Variants in CSMD1 observed in about 807,000 individuals in gnomAD.
CSMD1 encodes CUB and Sushi multiple domains 1, also known as CUB and sushi domain-containing protein 1.
CSMD1 carries 213 observed loss-of-function variants against 417.5 expected under a neutral mutation model. That is an observed-to-expected ratio of 0.51 (90% confidence interval 0.46 to 0.57). The LOEUF is 0.57. Ranked by LOEUF, CSMD1 falls within the 20% of genes least tolerant of loss-of-function variation. The pLI, the probability that CSMD1 is intolerant of heterozygous loss-of-function variation, is 0.00. For missense variants in CSMD1, 6,923 were observed against 4,529.7 expected (o/e 1.53, Z -15.17); for synonymous variants, 2,862 against 1,736.8 (o/e 1.65, Z -16.11).
chr8:3,864,296 T>C (rs1013968380), intron 5 of CSMD1, among the ~76,000 whole-genome samples: 2 of 152,132 alleles, frequency 1.3e-5, no homozygotes, highest in African/African-American at 4.8e-5. Flanking sequence ...CCAATATTTG[T>C]TGAGCTCTTT....
chr8:3,405,970 C>A, intron 15 of CSMD1, 57 bp downstream of exon 15: 1 of 1,531,224 alleles, frequency 6.5e-7, no homozygotes, highest in South Asian at 1.2e-5. Flanking sequence ...TGTGTGTGTG[C>A]CTGAAGATAG....
chr8:4,864,897 A>ACACACACAAAC (rs1554505482), intron 1 of CSMD1, among the ~76,000 whole-genome samples: 2 of 50,402 alleles, frequency 4.0e-5, no homozygotes, highest in East Asian at 1.6e-3. Flanking sequence ...CACACACACA[A>ACACACACAAAC]ACACACACAC....
intron 5 of CSMD1, among the ~76,000 whole-genome samples, chr8:3,842,683 G>C (rs1803212544): frequency 1.3e-5 from 2 of 151,868 alleles, no homozygotes; most frequent in African/African-American, 4.8e-5. Flanking sequence ...AAGAGCATTT[G>C]AAACTAAAAC....
intron 3 of CSMD1, among the ~76,000 whole-genome samples, chr8:4,211,312 A>C (rs1306538726): frequency 6.6e-6 from 1 of 152,098 alleles, no homozygotes; most frequent in Non-Finnish European, 1.5e-5. Flanking sequence ...TTAATCTGCT[A>C]TCATTATATC....
At chr8:4,170,535 G>A (rs771373530) in intron 3 of CSMD1, among the ~76,000 whole-genome samples, 7 of 151,756 alleles carry the variant, frequency 4.6e-5, no homozygotes, top group East Asian at 1.9e-4. Flanking sequence ...GTCTATAGTC[G>A]GAGTATTGGA....
chr8:4,136,846 G>A (rs1349366248), intron 3 of CSMD1, among the ~76,000 whole-genome samples: 1 of 152,082 alleles, frequency 6.6e-6, no homozygotes, highest in East Asian at 1.9e-4. Context: ...ACAAACTCTA[G>A]GTTTGCTTTG....
At chr8:2,981,084 G>A (rs2128939411) in intron 54 of CSMD1, among the ~76,000 whole-genome samples, 1 of 152,278 alleles carries the variant, frequency 6.6e-6, no homozygotes, top group East Asian at 1.9e-4. Context: ...GCTCCAATAG[G>A]AGATACAGCT....
intron 33 of CSMD1, 70 bp downstream of exon 33, chr8:3,199,644 G>C (rs146552341): frequency 3.1e-6 from 3 of 967,906 alleles, no homozygotes; most frequent in South Asian, 4.1e-5. Flanking sequence ...TGCTTTGTCT[G>C]AGACTAGCCG....
chr8:3,729,071 G>A (rs548085230), intron 6 of CSMD1, among the ~76,000 whole-genome samples: 3 of 152,328 alleles, frequency 2.0e-5, no homozygotes, highest in East Asian at 1.9e-4. Flanking sequence ...AATTCTCCAC[G>A]TGATCTGAAC....
At chr8:4,886,611 A>T (rs1803756738) in intron 1 of CSMD1, among the ~76,000 whole-genome samples, 1 of 151,970 alleles carries the variant, frequency 6.6e-6, no homozygotes, top group African/African-American at 2.4e-5. Context: ...TTCAGCAGTA[A>T]AACTGTGATG....
chr8:4,141,470 A>G (rs532959086), intron 3 of CSMD1, among the ~76,000 whole-genome samples: 1 of 151,300 alleles, frequency 6.6e-6, no homozygotes, highest in Non-Finnish European at 1.5e-5. Flanking sequence ...CTGCTTTTGT[A>G]TACAATATGC....
chr8:3,959,565 G>C (rs1267298338), intron 5 of CSMD1, among the ~76,000 whole-genome samples: 1 of 152,178 alleles, frequency 6.6e-6, no homozygotes, highest in South Asian at 2.1e-4. Flanking sequence ...AGTTCCCATA[G>C]TTTTTGTCTC....
chr8:4,993,924 G>T (rs1334304340), intron 1 of CSMD1, among the ~76,000 whole-genome samples: 3 of 152,082 alleles, frequency 2.0e-5, no homozygotes, highest in East Asian at 1.9e-4. Flanking sequence ...TTTCCCAGGC[G>T]CGTCGGGTCC....
At chr8:3,833,334 G>A (rs68057038) in intron 5 of CSMD1, among the ~76,000 whole-genome samples, 4 of 151,858 alleles carry the variant, frequency 2.6e-5, no homozygotes, top group Non-Finnish European at 4.4e-5. Flanking sequence ...ATTATTCTAA[G>A]CCTCTGGGCC....
At chr8:4,325,691 T>C (rs898850847) in intron 3 of CSMD1, among the ~76,000 whole-genome samples, 7 of 152,078 alleles carry the variant, frequency 4.6e-5, no homozygotes, top group Non-Finnish European at 8.8e-5. Flanking sequence ...GAAAGCGAGA[T>C]GCAGGATAAA....
chr8:3,425,880 A>G (rs1011491572), intron 12 of CSMD1, among the ~76,000 whole-genome samples: 8 of 152,192 alleles, frequency 5.3e-5, no homozygotes, highest in Admixed American at 6.5e-5. Flanking sequence ...TGACCACAAA[A>G]GATTTTAGTG....
At chr8:2,991,256 T>C (rs1806360380) in intron 54 of CSMD1, among the ~76,000 whole-genome samples, 2 of 152,234 alleles carry the variant, frequency 1.3e-5, no homozygotes, top group African/African-American at 2.4e-5. Flanking sequence ...TTAATACACA[T>C]GGCACTCTGA....
chr8:4,779,024 G>C (rs115366634), intron 1 of CSMD1, among the ~76,000 whole-genome samples: 1 of 152,176 alleles, frequency 6.6e-6, no homozygotes, highest in Non-Finnish European at 1.5e-5. Context: ...TGACCAGATT[G>C]ATATATCTTA....
intron 1 of CSMD1, among the ~76,000 whole-genome samples, chr8:4,817,935 T>C (rs1387354878): frequency 1.3e-5 from 2 of 152,174 alleles, no homozygotes; most frequent in Admixed American, 6.5e-5. Flanking sequence ...ACATTATATT[T>C]TAATCTGTCT....
Sources: gnomAD v4.1 joint callset for allele counts (sites outside exome capture counted in the v4.1 genomes callset) on GRCh38, gnomAD v4.1.1 for gene constraint, MANE v1.5 for transcripts, NCBI Gene and HGNC (gene_info 2026-07-23, HGNC 2026-07-21) for gene names.